PRKCE: variants seen among roughly 807,000 people sequenced by gnomAD.
The protein encoded by PRKCE is protein kinase C epsilon type.
Under a neutral mutation model 85.4 loss-of-function variants are expected in PRKCE, and 16 were observed. That is an observed-to-expected ratio of 0.19 (90% CI 0.13 to 0.28). PRKCE has a LOEUF of 0.28. Ranked by LOEUF, PRKCE falls within the 10% of genes least tolerant of loss-of-function variation. The probability of loss-of-function intolerance (pLI) is 1.00; values close to 1 mark genes in which losing one functional copy is unlikely to be tolerated. For synonymous variants in PRKCE, 388 were observed against 371.5 expected, an observed-to-expected ratio of 1.04 and a Z score of -0.51; for missense variants, 573 against 975.2, an observed-to-expected ratio of 0.59 and a Z score of 5.49.
chr2:45,823,245 C>A (rs1689681052), intron 1 of PRKCE, among the ~76,000 whole-genome samples: 1 of 152,208 alleles, frequency 6.6e-6, no homozygotes, highest in African/African-American at 2.4e-5. Flanking sequence ...CCTCGAGGAC[C>A]ACAGCCTTCC....
At position 46,138,779 on chromosome 2, in the gene PRKCE, G is replaced by A. The variant is rs1675235527; in HGVS notation, c.1593-6314G>A. On this transcript the variant is annotated intron_variant, in intron 11 of 14. Transcript: ENST00000306156. This position sits in a 1 kb window ranked among gnomAD's most constrained non-coding sequence, Gnocchi z 4.2. ...TGCATAACATCTCATAGCATCTAAT[G>A]CGTAGAGACCAGGGTGCTAGTAAAC... Among the ~76,000 whole-genome samples the A allele has an allele frequency of 6.6e-6, 1 of 152,194 alleles. No homozygotes were observed. The highest frequency in any genetic ancestry group is 2.4e-5 in the African/African-American group (1 of 41,442).
At chr2:46,024,306 A>ATTT (rs34612971) in intron 10 of PRKCE, among the ~76,000 whole-genome samples, 2 of 139,364 alleles carry the variant, frequency 1.4e-5, no homozygotes, top group Non-Finnish European at 1.6e-5. Flanking sequence ...TTATGAGGAC[A>ATTT]TTTTTTTTTT....
At chr2:45,916,217 T>C (rs1268262545) in intron 2 of PRKCE, among the ~76,000 whole-genome samples, 1 of 152,072 alleles carries the variant, frequency 6.6e-6, no homozygotes, top group Non-Finnish European at 1.5e-5. Flanking sequence ...AGTTCTTCTA[T>C]ATTCTTCTAT....
At chr2:46,127,095 T>C (rs987021098) in intron 11 of PRKCE, among the ~76,000 whole-genome samples, 4 of 152,150 alleles carry the variant, frequency 2.6e-5, no homozygotes, top group Admixed American at 1.3e-4. Context: ...GCCCACAGAT[T>C]TGGGCCTTCC....
chr2:46,015,691 CAAAAAAA>C (rs749060776), intron 10 of PRKCE, among the ~76,000 whole-genome samples: 24 of 80,796 alleles, frequency 3.0e-4, no homozygotes, highest in Admixed American at 4.4e-4. Context: ...AACACTAAAC[CAAAAAAA>C]AAAAAAAAAA....
intron 1 of PRKCE, among the ~76,000 whole-genome samples, chr2:45,703,542 A>T (rs564418974): frequency 1.1e-4 from 17 of 151,950 alleles, no homozygotes; most frequent in African/African-American, 3.9e-4. Flanking sequence ...TGTCTCTAAA[A>T]AAAAAAGAAT....
intron 1 of PRKCE, among the ~76,000 whole-genome samples, chr2:45,791,358 A>G (rs1048686339): frequency 6.6e-6 from 1 of 152,304 alleles, no homozygotes; most frequent in South Asian, 2.1e-4. Context: ...AGCTATAGTG[A>G]GCACGTGGGG....
chr2:45,659,850 T>TTTA (rs34197480), intron 1 of PRKCE, among the ~76,000 whole-genome samples: 13 of 151,848 alleles, frequency 8.6e-5, no homozygotes, highest in African/African-American at 3.1e-4. Flanking sequence ...TTTTTTTTTT[T>TTTA]ACTCTTTACT....
chr2:45,736,634 T>C lies in PRKCE; in HGVS notation c.348+84186T>C, dbSNP rs554562040. 1.4e-4 allele frequency among the ~76,000 whole-genome samples: 21 copies of C among 152,302 alleles called. No individual in the cohort carries two copies. The South Asian group carries it at 2.9e-3, about 21-fold the overall frequency. ...TTAAAACTCCTCTCACTTTCTACCATGTGTTGTGGTTCGCAGTGGGGCTAT... is the reference window on the plus strand; with the variant it reads ...TTAAAACTCCTCTCACTTTCTACCACGTGTTGTGGTTCGCAGTGGGGCTAT... On this transcript the variant is annotated intron_variant, in intron 1 of 14. Coordinates refer to ENST00000306156, the MANE Select transcript of PRKCE (RefSeq NM_005400.3).
chr2:46,033,310 C>T (rs1707655633), intron 10 of PRKCE, among the ~76,000 whole-genome samples: 1 of 152,190 alleles, frequency 6.6e-6, no homozygotes, highest in Admixed American at 6.5e-5. Context: ...GTGGGAAGTC[C>T]CACCACAGTG....
chr2:45,944,588 G>A (rs556820380), intron 2 of PRKCE, among the ~76,000 whole-genome samples: 2 of 150,534 alleles, frequency 1.3e-5, no homozygotes, highest in East Asian at 3.9e-4. Context: ...TCCCAGGCTC[G>A]AATGATACTC....
At chr2:45,743,994 GT>G (rs35173223) in intron 1 of PRKCE, among the ~76,000 whole-genome samples, 62,126 of 131,872 alleles carry the variant, frequency 0.47, 14,038 homozygotes, top group East Asian at 0.64. Context: ...GCCGTTGTGT[GT>G]TTTTTTTTTT....
intron 1 of PRKCE, among the ~76,000 whole-genome samples, chr2:45,799,420 G>T (rs970590513): frequency 3.3e-5 from 5 of 152,050 alleles, no homozygotes; most frequent in African/African-American, 9.7e-5. Flanking sequence ...AGGTTTGGTG[G>T]CATGTGCCTG....
chr2:45,860,709 T>G (rs762983603), intron 2 of PRKCE, among the ~76,000 whole-genome samples: 9 of 152,168 alleles, frequency 5.9e-5, no homozygotes, highest in Non-Finnish European at 1.3e-4. Context: ...GAAGTCTCTC[T>G]GGGGGCCCTG....
At chr2:45,795,989 C>T (rs1687407295) in intron 1 of PRKCE, among the ~76,000 whole-genome samples, 1 of 152,226 alleles carries the variant, frequency 6.6e-6, no homozygotes, top group South Asian at 2.1e-4. Context: ...TATTTCTAAG[C>T]AATACTCCCA....
At chr2:46,091,693 A>C (rs530435795) in intron 11 of PRKCE, among the ~76,000 whole-genome samples, 22 of 152,314 alleles carry the variant, frequency 1.4e-4, no homozygotes, top group African/African-American at 5.1e-4. Flanking sequence ...TTCATGAGTG[A>C]ATAGGTCTAA....
At chr2:45,974,322 A>C (rs1280074835) in intron 2 of PRKCE, among the ~76,000 whole-genome samples, 1 of 152,222 alleles carries the variant, frequency 6.6e-6, no homozygotes, top group African/African-American at 2.4e-5. Flanking sequence ...TCAGCAGGTC[A>C]AGACCCCTAG....
chr2:46,097,094 A>G (rs550854231), intron 11 of PRKCE, among the ~76,000 whole-genome samples: 1 of 152,122 alleles, frequency 6.6e-6, no homozygotes, highest in Admixed American at 6.6e-5. Flanking sequence ...AAGGGCCCAG[A>G]TCTCACAACC....
chr2:46,035,481 C>G (rs552131202), intron 10 of PRKCE, among the ~76,000 whole-genome samples: 1 of 152,358 alleles, frequency 6.6e-6, no homozygotes, highest in East Asian at 1.9e-4. Context: ...CCTGCCTGCT[C>G]CATCCCCACC....
Sources: allele counts gnomAD v4.1 joint callset (sites outside exome capture counted in the v4.1 genomes callset), GRCh38; gene constraint gnomAD v4.1.1; non-coding constraint Gnocchi (gnomAD v3.1); transcripts MANE v1.5; gene names NCBI Gene and HGNC (gene_info 2026-07-23, HGNC 2026-07-21).